DNAH12: variants seen among roughly 807,000 people sequenced by gnomAD.
The protein encoded by DNAH12 is dynein axonemal heavy chain 12, also known as axonemal beta dynein heavy chain 12.
DNAH12 carries 285 observed loss-of-function variants against 371.5 expected under a neutral mutation model. The observed-to-expected ratio is 0.77, with a 90% CI of 0.70 to 0.85. The LOEUF (loss-of-function observed/expected upper bound fraction) is 0.85, where lower values mean the gene tolerates loss of function less well. Among genes scored for constraint, DNAH12 ranks in the 40% least tolerant of loss-of-function variants. The probability of loss-of-function intolerance (pLI) is 0.00; values close to 1 mark genes in which losing one functional copy is unlikely to be tolerated. For synonymous variants in DNAH12, 1,200 were observed against 1,213.0 expected (o/e 0.99, Z 0.22); for missense variants, 3,611 against 3,689.4 (o/e 0.98, Z 0.55).
At chr3:57,323,338 C>A in intron 63 of DNAH12, 78 bp from the exon 64 acceptor site, 2 of 1,483,240 alleles carry the variant, frequency 1.3e-6, no homozygotes, top group Admixed American at 2.6e-5. Context: ...GGTGTTTTAT[C>A]ATGAAAAATT....
rs1553680513 is a variant in DNAH12 at position 57,404,966 on chromosome 3, T to C, written c.6755+3A>G. 6.6e-7 allele frequency: 1 copy of C among 1,510,042 alleles called. No homozygotes were observed. 93.5% of individuals were successfully genotyped at this position (1,510,042 alleles called of 1,614,324 possible). On this transcript the variant is annotated splice_donor_region_variant and intron_variant, in intron 42 of 73. Coordinates refer to ENST00000495027, the MANE Select transcript of DNAH12 (RefSeq NM_001366028.2). ...TTCAAGCATCAACACCATATATAGG[T>C]ACCTAAAAATGACAAGATTCATTCT...
At chr3:57,356,424 C>T (rs2062800781) in intron 59 of DNAH12, among the ~76,000 whole-genome samples, 1 of 91,032 alleles carries the variant, frequency 1.1e-5, no homozygotes, top group Non-Finnish European at 2.8e-5. Flanking sequence ...GCCTGGGTGA[C>T]AGAGTGAGAC....
intron 43 of DNAH12, among the ~76,000 whole-genome samples, chr3:57,400,299 T>C (rs1188027494): frequency 7.9e-5 from 12 of 152,002 alleles, no homozygotes; most frequent in Non-Finnish European, 1.5e-5. Flanking sequence ...AAAAAAATTA[T>C]ATGTGAATTT....
intron 60 of DNAH12, among the ~76,000 whole-genome samples, chr3:57,351,313 CGTT>C (rs1412935612): frequency 6.6e-6 from 1 of 152,010 alleles, no homozygotes; most frequent in Non-Finnish European, 1.5e-5. Context: ...AAAAATAAAA[CGTT>C]GGTGGGGATC....
rs547700933 is a variant in DNAH12 at position 57,492,918 on chromosome 3, T to C, written c.1336-3231A>G. The stretch of plus-strand genomic sequence containing the variant: ...TACTCAGGAGGCTGAGGCAGGAGAA[T>C]TGCTTGGGCCCAGGAGGTGGAGCTT... On this transcript the variant is annotated intron_variant, in intron 11 of 73. Transcript: ENST00000495027. 3.9e-5 allele frequency among the ~76,000 whole-genome samples: 6 copies of C among 152,152 alleles called. No individual in the cohort carries two copies. In the South Asian group the frequency reaches 1.0e-3, roughly 26 times the overall value.
At chr3:57,352,355 G>A in intron 59 of DNAH12, 130 bp from the exon 60 acceptor site, 2 of 992,012 alleles carry the variant, frequency 2.0e-6, no homozygotes, top group Non-Finnish European at 2.8e-6. Context: ...ACACACACGA[G>A]GGCATGTAAA....
intron 69 of DNAH12, among the ~76,000 whole-genome samples, chr3:57,302,333 CAT>C (rs2061364289): frequency 6.6e-6 from 1 of 151,644 alleles, no homozygotes; most frequent in East Asian, 1.9e-4. Context: ...TGCATGAAAA[CAT>C]AAATTGTATA....
At chr3:57,406,356 CAAAAAAAA>C (rs782271639) in intron 40 of DNAH12, among the ~76,000 whole-genome samples, 22 of 96,054 alleles carry the variant, frequency 2.3e-4, no homozygotes, top group African/African-American at 7.9e-4. Flanking sequence ...GATTCTGCCT[CAAAAAAAA>C]AAAAAAAGAA....
At chr3:57,359,117 G>A (rs1260059628) in intron 58 of DNAH12, among the ~76,000 whole-genome samples, 5 of 152,084 alleles carry the variant, frequency 3.3e-5, no homozygotes, top group Non-Finnish European at 7.4e-5. Flanking sequence ...AACTTAATTA[G>A]TATTCCATGG....
intron 65 of DNAH12, among the ~76,000 whole-genome samples, chr3:57,317,960 T>C (rs113819358): frequency 2.6e-5 from 4 of 152,310 alleles, no homozygotes; most frequent in African/African-American, 4.8e-5. Flanking sequence ...CATTTGTATG[T>C]CTTCTTTGGA....
chr3:57,550,739 T>C, the DNAH12 span, among the ~76,000 whole-genome samples: 2 of 151,846 alleles, frequency 1.3e-5, no homozygotes, highest in African/African-American at 4.8e-5. Context: ...GCCAGGCTAG[T>C]CTCAGAGTCC....
rs997100367 is a variant in DNAH12 at position 57,307,978 on chromosome 3, C to T, written c.11189+1173G>A. Among the ~76,000 whole-genome samples the T allele has an allele frequency of 2.6e-5, 4 of 152,192 alleles. No homozygotes were observed. In the East Asian group the frequency reaches 7.7e-4, roughly 29 times the overall value. The stretch of plus-strand genomic sequence containing the variant: ...TTTCCTTTCCATCGTGGAACTCTAT[C>T]CTCAAGGAAATAACTTCTCAGTGTT... On this transcript the variant is annotated intron_variant, in intron 69 of 73. Transcript: ENST00000495027.
intron 60 of DNAH12, among the ~76,000 whole-genome samples, chr3:57,348,061 C>A (rs1223934647): frequency 6.6e-6 from 1 of 152,180 alleles, no homozygotes; most frequent in African/African-American, 2.4e-5. Context: ...CAAAAACTTA[C>A]ACATGAATGT....
At chr3:57,467,123 G>GT (rs2066226703) in intron 17 of DNAH12, among the ~76,000 whole-genome samples, 2 of 151,966 alleles carry the variant, frequency 1.3e-5, no homozygotes, top group Non-Finnish European at 2.9e-5. Context: ...CTCTATCAAG[G>GT]TTTTTTTGAG....
In DNAH12 at chr3:57,457,902, G is replaced by A. The variant is rs766005461; in HGVS notation, c.3155C>T (p.Ala1052Val). Residue 1052 changes from alanine (A) to valine (V), a missense_variant, in exon 22 of 74, where the codon GCT becomes GTT. By Grantham distance (64) the Ala-to-Val change is moderately conservative (BLOSUM62 0). This residue lies in a region of DNAH12 where 1,314 missense variants were observed against 1,398.7 expected (regional missense o/e 0.94). Coordinates refer to ENST00000495027, the MANE Select transcript of DNAH12 (RefSeq NM_001366028.2). ...CAAATTGGGAAGGAACTCTAATTTA[G>A]CAATGCCCTCAAAGCATTTTTTTAA... ...PHLKKCFEGI[A>V]KLEFLPNLDI... 1.4e-5 allele frequency: 21 copies of A among 1,551,508 alleles called. No individual in the cohort carries two copies. In the South Asian group the frequency reaches 2.5e-4, roughly 18 times the overall value.
chr3:57,519,760 A>G, intron 4 of DNAH12: 1 of 1,606,292 alleles, frequency 6.2e-7, no homozygotes. Context: ...GCAGTTGCGG[A>G]AGGAATGATT....
intron 22 of DNAH12, 45 bp downstream of exon 22, chr3:57,457,676 G>T (rs1055757794): frequency 3.4e-6 from 5 of 1,485,168 alleles, no homozygotes; most frequent in African/African-American, 1.4e-5. Context: ...CTTAAACAAA[G>T]CATTTGCAGA....
chr3:57,390,424 A>AAAAAAAAAAATAT, intron 45 of DNAH12, among the ~76,000 whole-genome samples: 4 of 33,422 alleles, frequency 1.2e-4, no homozygotes, highest in Non-Finnish European at 1.4e-4. Flanking sequence ...AAAAAAAAAA[A>AAAAAAAAAAATAT]ATATATATAT....
At chr3:57,512,825 A>G (rs986768410) in intron 4 of DNAH12, among the ~76,000 whole-genome samples, 10 of 152,186 alleles carry the variant, frequency 6.6e-5, no homozygotes, top group East Asian at 1.9e-4. Context: ...ATGCCCATCA[A>G]TGATAGACTG....
Sources: gnomAD v4.1 joint callset for allele counts (sites outside exome capture counted in the v4.1 genomes callset) on GRCh38, gnomAD v4.1.1 for gene constraint, gnomAD v4.1.1 regional missense constraint, MANE v1.5 for transcripts, NCBI Gene and HGNC (gene_info 2026-07-23, HGNC 2026-07-21) for gene names.